Variants in GPC5 observed in about 807,000 individuals in gnomAD.
GPC5 encodes glypican 5, also known as glypican-5.
A neutral mutation model predicts 53.9 loss-of-function variants in GPC5; 47 were observed. That is an observed-to-expected ratio of 0.87 (90% CI 0.69 to 1.11). GPC5 has a LOEUF of 1.11. Among genes scored for constraint, GPC5 ranks in the 50% most tolerant of loss-of-function variants. The probability of loss-of-function intolerance (pLI) is 0.00; values close to 1 mark genes in which losing one functional copy is unlikely to be tolerated. For synonymous variants in GPC5, 286 were observed against 263.3 expected, an observed-to-expected ratio of 1.09 and a Z score of -0.84; for missense variants, 748 against 713.1, an observed-to-expected ratio of 1.05 and a Z score of -0.56.
chr13:92,694,575 T>A (rs1887505457), intron 7 of GPC5, among the ~76,000 whole-genome samples: 1 of 152,234 alleles, frequency 6.6e-6, no homozygotes, highest in African/African-American at 2.4e-5. Context: ...CCCTTTACTT[T>A]GGCCAATTTC....
At chr13:92,504,366 A>G (rs1880292819) in intron 7 of GPC5, among the ~76,000 whole-genome samples, 1 of 151,990 alleles carries the variant, frequency 6.6e-6, no homozygotes, top group African/African-American at 2.4e-5. Flanking sequence ...GAGAGTTATC[A>G]CATATTCATA....
chr13:91,406,291 C>T (rs969785866), intron 1 of GPC5, among the ~76,000 whole-genome samples: 8 of 152,246 alleles, frequency 5.3e-5, no homozygotes, highest in African/African-American at 1.9e-4. Flanking sequence ...AAGTTAAACT[C>T]TAGACATAGG....
intron 7 of GPC5, among the ~76,000 whole-genome samples, chr13:92,387,031 T>G (rs1445257366): frequency 1.3e-5 from 2 of 152,050 alleles, no homozygotes; most frequent in African/African-American, 4.8e-5. Flanking sequence ...GAACTCACAC[T>G]CATGTGTCCT....
At chr13:91,964,707 A>G (rs2040163972) in intron 6 of GPC5, among the ~76,000 whole-genome samples, 1 of 152,100 alleles carries the variant, frequency 6.6e-6, no homozygotes, top group South Asian at 2.1e-4. Flanking sequence ...TCACCTCTCA[A>G]TTTGACCCAG....
intron 1 of GPC5, among the ~76,000 whole-genome samples, chr13:91,420,849 A>G (rs1878572682): frequency 6.6e-6 from 1 of 152,174 alleles, no homozygotes; most frequent in South Asian, 2.1e-4. Flanking sequence ...CCATGATTGT[A>G]AGTTTCCTGA....
chr13:92,065,078 A>T (rs956318107), intron 6 of GPC5, among the ~76,000 whole-genome samples: 1 of 152,174 alleles, frequency 6.6e-6, no homozygotes, highest in Admixed American at 6.5e-5. Context: ...AAAAATCAAG[A>T]TAGCAGTTTG....
chr13:91,848,505 G>A (rs4539453), intron 5 of GPC5, among the ~76,000 whole-genome samples: 1 of 152,130 alleles, frequency 6.6e-6, no homozygotes, highest in Admixed American at 6.5e-5. Context: ...CCAGCCTAAA[G>A]GATGGTTTTC....
chr13:92,216,957 C>T (rs937943653), intron 7 of GPC5, among the ~76,000 whole-genome samples: 7 of 137,988 alleles, frequency 5.1e-5, no homozygotes, highest in East Asian at 2.1e-4. Context: ...CCAGCCTGGG[C>T]GATAGAGGAA....
chr13:92,493,315 T>C (rs1243804061), intron 7 of GPC5, among the ~76,000 whole-genome samples: 1 of 152,196 alleles, frequency 6.6e-6, no homozygotes, highest in African/African-American at 2.4e-5. Context: ...TTAGAAGATA[T>C]CACTTGTATG....
intron 5 of GPC5, among the ~76,000 whole-genome samples, chr13:91,766,757 GGC>G (rs1382704124): frequency 6.6e-6 from 1 of 152,148 alleles, no homozygotes; most frequent in Non-Finnish European, 1.5e-5. Context: ...CTACTTATGT[GGC>G]TGAGGCAGGA....
At chr13:91,501,815 C>T (rs568155042) in intron 2 of GPC5, among the ~76,000 whole-genome samples, 8 of 152,300 alleles carry the variant, frequency 5.3e-5, no homozygotes, top group South Asian at 2.1e-4. Flanking sequence ...TCTGAGGAAT[C>T]GCCACACTGA....
intron 7 of GPC5, among the ~76,000 whole-genome samples, chr13:92,796,019 C>T (rs1876665243): frequency 6.6e-6 from 1 of 152,048 alleles, no homozygotes; most frequent in African/African-American, 2.4e-5. Context: ...TGGGTACATA[C>T]CCAAAGGATT....
chr13:91,889,879 G>C (rs945624448), intron 5 of GPC5, among the ~76,000 whole-genome samples: 2 of 152,086 alleles, frequency 1.3e-5, no homozygotes, highest in African/African-American at 2.4e-5. Flanking sequence ...AATGATAAGT[G>C]CATCCTGGAA....
intron 7 of GPC5, among the ~76,000 whole-genome samples, chr13:92,554,284 C>T (rs1036200770): frequency 6.6e-6 from 1 of 151,842 alleles, no homozygotes; most frequent in Non-Finnish European, 1.5e-5. Flanking sequence ...ATAAACCACC[C>T]TCTGTCTTTT....
chr13:92,331,677 A>G (rs2139236068), intron 7 of GPC5, among the ~76,000 whole-genome samples: 1 of 122,654 alleles, frequency 8.2e-6, no homozygotes, highest in African/African-American at 3.3e-5. Context: ...AATAATATAC[A>G]TAGGGTTTTT....
intron 7 of GPC5, among the ~76,000 whole-genome samples, chr13:92,363,286 G>C (rs1191359395): frequency 1.3e-5 from 2 of 151,568 alleles, no homozygotes; most frequent in Admixed American, 6.6e-5. Flanking sequence ...GGATAGAATT[G>C]TCAGAAGGTT....
chr13:92,024,733 C>T (rs913646381), intron 6 of GPC5, among the ~76,000 whole-genome samples: 5 of 152,090 alleles, frequency 3.3e-5, no homozygotes, highest in Admixed American at 6.6e-5. Flanking sequence ...CAAACACATA[C>T]TTATTGGTGC....
At chr13:92,539,742 G>A (rs1881869860) in intron 7 of GPC5, among the ~76,000 whole-genome samples, 1 of 151,214 alleles carries the variant, frequency 6.6e-6, no homozygotes, top group African/African-American at 2.4e-5. Context: ...TGGTAATATT[G>A]GTACTCACCT....
intron 7 of GPC5, among the ~76,000 whole-genome samples, chr13:92,650,868 T>G (rs1885935391): frequency 1.3e-5 from 2 of 152,172 alleles, no homozygotes; most frequent in South Asian, 4.1e-4. Context: ...GGTATACGTG[T>G]GCCACGGTGG....
Sources: allele counts gnomAD v4.1 joint callset (sites outside exome capture counted in the v4.1 genomes callset), GRCh38; gene constraint gnomAD v4.1.1; transcripts MANE v1.5; gene names NCBI Gene and HGNC (gene_info 2026-07-23, HGNC 2026-07-21).